The following OPCML variants were observed in gnomAD, a reference collection of about 807,000 sequenced individuals.
OPCML encodes the protein opioid binding protein/cell adhesion molecule like.
A neutral mutation model predicts 37.8 loss-of-function variants in OPCML; 13 were observed. That is an observed-to-expected ratio of 0.34 (90% CI 0.22 to 0.55). The LOEUF (loss-of-function observed/expected upper bound fraction) is 0.55, where lower values mean the gene tolerates loss of function less well. Among genes scored for constraint, OPCML ranks in the 20% least tolerant of loss-of-function variants. OPCML has a pLI of 0.91. For missense variants in OPCML, 341 were observed against 435.6 expected (o/e 0.78, Z 1.93); for synonymous variants, 176 against 168.8 (o/e 1.04, Z -0.33).
intron 1 of OPCML, among the ~76,000 whole-genome samples, chr11:133,404,511 T>A (rs1945483088): frequency 6.6e-6 from 1 of 152,126 alleles, no homozygotes; most frequent in African/African-American, 2.4e-5. Flanking sequence ...AAGCAAATTA[T>A]CCTCCTACTC....
At chr11:132,752,372 C>T (rs1193321093) in intron 2 of OPCML, among the ~76,000 whole-genome samples, 1 of 152,096 alleles carries the variant, frequency 6.6e-6, no homozygotes, top group African/African-American at 2.4e-5. Context: ...AACCTTAGTT[C>T]CAGGAACCAC....
At chr11:132,804,630 C>T (rs1208034909) in intron 2 of OPCML, among the ~76,000 whole-genome samples, 1 of 152,124 alleles carries the variant, frequency 6.6e-6, no homozygotes, top group African/African-American at 2.4e-5. Context: ...AAATGGTGGT[C>T]CTATGGTGTA....
At chr11:132,848,099 G>A (rs1201703736) in intron 2 of OPCML, among the ~76,000 whole-genome samples, 1 of 152,190 alleles carries the variant, frequency 6.6e-6, no homozygotes, top group Non-Finnish European at 1.5e-5. Context: ...CAGGAATCAG[G>A]AGGATTAACT....
intron 2 of OPCML, among the ~76,000 whole-genome samples, chr11:132,852,711 T>C (rs1941866930): frequency 6.6e-6 from 1 of 152,074 alleles, no homozygotes; most frequent in Non-Finnish European, 1.5e-5. Flanking sequence ...AGAGAGTAAT[T>C]TTAGTATATC....
intron 1 of OPCML, among the ~76,000 whole-genome samples, chr11:133,175,657 CTTTTTT>C (rs35382294): frequency 7.0e-6 from 1 of 142,468 alleles, no homozygotes; most frequent in Non-Finnish European, 1.5e-5. Context: ...AATTCACTGA[CTTTTTT>C]TTTTTTTTTT....
At chr11:133,358,335 G>T (rs955124896) in intron 1 of OPCML, among the ~76,000 whole-genome samples, 8 of 152,086 alleles carry the variant, frequency 5.3e-5, no homozygotes, top group Non-Finnish European at 1.2e-4. Context: ...ACTTATGGTG[G>T]GCTCTGACTA....
Position 133,184,698 on chromosome 11 carries a change from G to A in OPCML, c.62-241688C>T, listed in dbSNP as rs556004207. Among the ~76,000 whole-genome samples, 8 of 152,220 alleles carry A rather than the reference G, an allele frequency of 5.3e-5. No homozygotes were observed. The South Asian group carries it at 1.2e-3, about 24-fold the overall frequency. On this transcript the variant is annotated intron_variant, in intron 1 of 7. Coordinates refer to ENST00000524381, the MANE Select transcript of OPCML (RefSeq NM_001012393.5). ...TCCGTTCAGTAGGACAGTAGATCTCGGTTACCAAATAGGGCAGCTATTCAC... is the reference window on the plus strand; with the variant it reads ...TCCGTTCAGTAGGACAGTAGATCTCAGTTACCAAATAGGGCAGCTATTCAC...
rs1946698845 is a variant in OPCML at position 132,987,353 on chromosome 11, T to TAAGAAC, written c.62-44349_62-44344dup. Among the ~76,000 whole-genome samples, 4 of 152,094 alleles carry TAAGAAC rather than the reference T, an allele frequency of 2.6e-5. No individual in the cohort carries two copies. In the South Asian group the frequency reaches 8.3e-4, roughly 32 times the overall value. The stretch of plus-strand genomic sequence containing the variant: ...TAGGGGAGAAGCTTTCATGTAGATG[T>TAAGAAC]AAGAACGTGAAGACCAAGGGGCCTC... On this transcript the variant is annotated intron_variant, in intron 1 of 7. Transcript: ENST00000524381.
At chr11:133,037,121 T>C (rs1265523737) in intron 1 of OPCML, among the ~76,000 whole-genome samples, 1 of 151,950 alleles carries the variant, frequency 6.6e-6, no homozygotes, top group Non-Finnish European at 1.5e-5. Context: ...TTGAGGATAG[T>C]GAAAGGCTGA....
intron 3 of OPCML, among the ~76,000 whole-genome samples, chr11:132,603,075 C>T (rs895363829): frequency 6.6e-6 from 1 of 152,162 alleles, no homozygotes; most frequent in Non-Finnish European, 1.5e-5. Flanking sequence ...TTTCTGAGAG[C>T]TTCTCTATTT....
At chr11:132,522,352 G>A (rs1428572604) in intron 4 of OPCML, among the ~76,000 whole-genome samples, 1 of 152,124 alleles carries the variant, frequency 6.6e-6, no homozygotes, top group Non-Finnish European at 1.5e-5. Flanking sequence ...AAAGACAAGA[G>A]GTAATAAAAT....
chr11:133,009,133 T>G, intron 1 of OPCML: 5 of 985,374 alleles, frequency 5.1e-6, no homozygotes, highest in Non-Finnish European at 6.0e-6. Context: ...CAGAGAACAC[T>G]GATTTAGATT....
intron 1 of OPCML, among the ~76,000 whole-genome samples, chr11:133,426,437 T>C (rs1374308649): frequency 6.6e-6 from 1 of 152,156 alleles, no homozygotes; most frequent in Non-Finnish European, 1.5e-5. Context: ...GATACTCTAT[T>C]TTTTCTGTTC....
chr11:132,643,259 A>G (rs1222905043), intron 3 of OPCML, among the ~76,000 whole-genome samples: 1 of 152,198 alleles, frequency 6.6e-6, no homozygotes, highest in African/African-American at 2.4e-5. Context: ...CCTGGGTGAC[A>G]GCGTGAGACT....
At chr11:132,686,971 AG>A (rs1943186837) in intron 2 of OPCML, among the ~76,000 whole-genome samples, 1 of 152,172 alleles carries the variant, frequency 6.6e-6, no homozygotes, top group African/African-American at 2.4e-5. Flanking sequence ...TCTGGACATC[AG>A]AGATATTTTT....
At chr11:133,275,460 C>G (rs935840157) in intron 1 of OPCML, among the ~76,000 whole-genome samples, 26 of 152,152 alleles carry the variant, frequency 1.7e-4, no homozygotes, top group Non-Finnish European at 2.8e-4. Context: ...ATGGCTCCCT[C>G]TGGCTTTGTT....
chr11:133,255,364 A>G (rs1484741072), intron 1 of OPCML, among the ~76,000 whole-genome samples: 1 of 152,176 alleles, frequency 6.6e-6, no homozygotes, highest in Non-Finnish European at 1.5e-5. Flanking sequence ...CTAGGAAGAC[A>G]CTTCCAGTCG....
In OPCML at chr11:133,048,848, T is replaced by G. The variant is rs559178170; in HGVS notation, c.62-105838A>C. Among the ~76,000 whole-genome samples, 6 of 152,330 alleles carry G rather than the reference T, an allele frequency of 3.9e-5. No individual in the cohort carries two copies. In the East Asian group the frequency reaches 1.2e-3, roughly 29 times the overall value. ...TAGGACATGTTTCCCAGAATGCCACTGTACATAATGTGCATTTTGACCATA... is the reference window on the plus strand; with the variant it reads ...TAGGACATGTTTCCCAGAATGCCACGGTACATAATGTGCATTTTGACCATA... On this transcript the variant is annotated intron_variant, in intron 1 of 7. Coordinates refer to ENST00000524381, the MANE Select transcript of OPCML (RefSeq NM_001012393.5).
In OPCML at chr11:132,929,541, T is replaced by C. The variant is rs143383609; in HGVS notation, c.146+13385A>G. On this transcript the variant is annotated intron_variant, in intron 2 of 7. Transcript: ENST00000524381. The stretch of plus-strand genomic sequence containing the variant: ...TCAAGAGGAGAGAACACTTCCAAAC[T>C]CACTCTATAAGCCAATATTATTTCG... Among the ~76,000 whole-genome samples, 1,044 of 152,208 alleles carry C rather than the reference T, an allele frequency of 6.9e-3. 5 individuals are homozygous for C. Among genetic ancestry groups the C allele is most frequent in the Admixed American group, 0.012 (185 of 15,272 alleles).
Sources: gnomAD v4.1 joint callset for allele counts (sites outside exome capture counted in the v4.1 genomes callset) on GRCh38, gnomAD v4.1.1 for gene constraint, MANE v1.5 for transcripts, NCBI Gene and HGNC (gene_info 2026-07-23, HGNC 2026-07-21) for gene names.